SERAC1: variants seen among roughly 807,000 people sequenced by gnomAD.
SERAC1 encodes protein SERAC1.
SERAC1 carries 36 observed loss-of-function variants against 85.7 expected under a neutral mutation model. The observed-to-expected ratio is 0.42, with a 90% CI of 0.32 to 0.55. The LOEUF (loss-of-function observed/expected upper bound fraction) is 0.55. Ranked by LOEUF, SERAC1 falls within the 20% of genes least tolerant of loss-of-function variation. The pLI is 0.11. For missense variants in SERAC1, 629 were observed against 796.2 expected, an observed-to-expected ratio of 0.79 and a Z score of 2.53; for synonymous variants, 242 against 265.3, an observed-to-expected ratio of 0.91 and a Z score of 0.85.
intron 10 of SERAC1, among the ~76,000 whole-genome samples, chr6:158,122,407 C>T (rs917482292): frequency 5.3e-5 from 8 of 152,234 alleles, no homozygotes; most frequent in African/African-American, 1.4e-4. Context: ...TTCCCAACTC[C>T]ATTTACATCC....
intron 2 of SERAC1, among the ~76,000 whole-genome samples, chr6:158,156,301 A>C (rs959259433): frequency 4.6e-5 from 7 of 152,178 alleles, no homozygotes; most frequent in Non-Finnish European, 1.0e-4. Flanking sequence ...TAATCCTTAC[A>C]AATACACAAC....
At chr6:158,143,024 A>G in intron 8 of SERAC1, 32 bp downstream of exon 8, 1 of 1,577,878 alleles carries the variant, frequency 6.3e-7, no homozygotes, top group South Asian at 1.1e-5. Context: ...TGGACACTCA[A>G]AAATATTTAC....
In SERAC1 at chr6:158,134,336, T is replaced by A. The variant is rs140889452; in HGVS notation, c.739-3850A>T. 9.2e-3 allele frequency among the ~76,000 whole-genome samples: 1,394 copies of A among 152,318 alleles called. 7 individuals carry two copies. The highest frequency in any genetic ancestry group is 0.013 in the Non-Finnish European group (892 of 68,032). ...CCCAGAACTTGGTTACTAAATACCA[T>A]TAGCCCTAAAAGGAACCAAGCCTGC... On this transcript the variant is annotated intron_variant, in intron 8 of 16. Transcript: ENST00000647468.
Position 158,130,229 on chromosome 6 carries a change from A to G in SERAC1, c.852+144T>C, listed in dbSNP as rs1784642699. ...AATCATGATTATTCTAACAATTAAA[A>G]TTGGAGGAAAGCAGAAATTTAAAAA... On this transcript the variant is annotated intron_variant, in intron 9 of 16. Transcript: ENST00000647468. 8.5e-6 allele frequency: 4 copies of G among 468,794 alleles called. No individual in the cohort carries two copies. In the East Asian group the frequency reaches 1.4e-4, roughly 16 times the overall value. The allele number at this position is 468,794 out of a possible 1,614,324, so 29.0% of individuals were successfully genotyped here.
intron 14 of SERAC1, 60 bp from the exon 15 acceptor site, chr6:158,115,031 T>C: frequency 6.6e-7 from 1 of 1,516,628 alleles, no homozygotes; most frequent in South Asian, 1.3e-5. Flanking sequence ...TTTATTACTG[T>C]AAAAAAAGAA....
intron 8 of SERAC1, among the ~76,000 whole-genome samples, chr6:158,132,282 T>C (rs539365667): frequency 6.6e-6 from 1 of 152,346 alleles, no homozygotes; most frequent in African/African-American, 2.4e-5. Flanking sequence ...GTAAACCAAC[T>C]AAAAATAATT....
chr6:158,120,686 G>T lies in SERAC1; in HGVS notation c.1016-111C>A. On this transcript the variant is annotated intron_variant, in intron 10 of 16. Transcript: ENST00000647468. The surrounding 1 kb of genome is among the most constrained non-coding windows in gnomAD (Gnocchi z 4.4). Reference sequence around the variant, plus strand: ...GGAGAAAGGCAAACCTTGCGTGTCTGTCCTTGGCGGAGAAGTCCGACTATT... The same window carrying T: ...GGAGAAAGGCAAACCTTGCGTGTCTTTCCTTGGCGGAGAAGTCCGACTATT... 1 of 1,185,238 alleles carries T rather than the reference G, an allele frequency of 8.4e-7. No homozygotes were observed. The highest frequency in any genetic ancestry group is 1.2e-6 in the Non-Finnish European group (1 of 862,118). 73.4% of individuals were successfully genotyped at this position (1,185,238 alleles called of 1,614,324 possible).
rs773088596 is a variant in SERAC1, at chr6:158,146,930, A to G, written c.356-17T>C. On this transcript the variant is annotated splice_polypyrimidine_tract_variant and intron_variant, in intron 5 of 16. Transcript: ENST00000647468. Reference sequence around the variant, plus strand: ...TAAAAGGATCTTTGCAAAAAGAAAAAGCCAAGACAATGTGAAAAGTTAAGA... The same window carrying G: ...TAAAAGGATCTTTGCAAAAAGAAAAGGCCAAGACAATGTGAAAAGTTAAGA... The G allele has an allele frequency of 6.2e-7, 1 of 1,610,448 alleles. No individual in the cohort carries two copies. The highest frequency in any genetic ancestry group is 1.7e-5 in the Admixed American group (1 of 59,468).
At chr6:158,147,009 A>C (rs1269785108) in intron 5 of SERAC1, 96 bp from the exon 6 acceptor site, 1 of 1,276,898 alleles carries the variant, frequency 7.8e-7, no homozygotes, top group Non-Finnish European at 1.1e-6. Context: ...GAAATCTACA[A>C]TTGGAGAGTT....
chr6:158,139,762 T>TA (rs903724638), intron 8 of SERAC1, among the ~76,000 whole-genome samples: 2 of 151,150 alleles, frequency 1.3e-5, no homozygotes, highest in Non-Finnish European at 3.0e-5. Flanking sequence ...AATCACTAGT[T>TA]AAAAAAAAAT....
chr6:158,112,747 C>T (rs140335671), intron 16 of SERAC1: 30 of 149,542 alleles, frequency 2.0e-4, no homozygotes, highest in African/African-American at 7.2e-4. Context: ...AAGCCAGCCT[C>T]AGAGGCAGTA....
At chr6:158,165,241 C>T (rs931349722) in intron 1 of SERAC1, among the ~76,000 whole-genome samples, 12 of 152,022 alleles carry the variant, frequency 7.9e-5, no homozygotes, top group South Asian at 6.2e-4. Flanking sequence ...CTGCAAACTC[C>T]GTCTCCCAGG....
intron 1 of SERAC1, among the ~76,000 whole-genome samples, chr6:158,164,284 G>C (rs1446097531): frequency 6.6e-6 from 1 of 151,816 alleles, no homozygotes; most frequent in Non-Finnish European, 1.5e-5. Context: ...GACCAGCCTG[G>C]ATAACCCGGT....
intron 10 of SERAC1, among the ~76,000 whole-genome samples, chr6:158,124,393 A>G (rs1784488215): frequency 6.6e-6 from 1 of 152,188 alleles, no homozygotes; most frequent in African/African-American, 2.4e-5. Context: ...AAGAATAAAT[A>G]TTGGATGATA....
At chr6:158,159,996 T>C (rs993564958) in intron 1 of SERAC1, among the ~76,000 whole-genome samples, 6 of 152,236 alleles carry the variant, frequency 3.9e-5, no homozygotes, top group Non-Finnish European at 5.9e-5. Flanking sequence ...TTTATAAATA[T>C]ATCATACAAG....
In SERAC1 at chr6:158,119,320, G is replaced by A. The variant is rs1276393828; in HGVS notation, c.1167-150C>T. The A allele has an allele frequency of 2.2e-6, 2 of 923,814 alleles. No individual in the cohort carries two copies. Among genetic ancestry groups the A allele is most frequent in the Admixed American group, 3.2e-5 (1 of 31,250 alleles). 57.2% of individuals were successfully genotyped at this position (923,814 alleles called of 1,614,324 possible). A position where few individuals can be genotyped will look rare whatever the true frequency, so the allele number is the denominator to read the frequency against. ...CAAGCTCTATAAGCACAGGTTTGCTGGGAAAACCTAGAAGGAGCTTTGGCA... is the reference window on the plus strand; with the variant it reads ...CAAGCTCTATAAGCACAGGTTTGCTAGGAAAACCTAGAAGGAGCTTTGGCA... On this transcript the variant is annotated intron_variant, in intron 11 of 16. Transcript: ENST00000647468. This position sits in a 1 kb window ranked among gnomAD's most constrained non-coding sequence, Gnocchi z 4.5.
intron 8 of SERAC1, among the ~76,000 whole-genome samples, chr6:158,141,992 C>A (rs115028822): frequency 0.042 from 6,244 of 149,620 alleles, 197 homozygotes; most frequent in African/African-American, 0.091. Context: ...TTTTTTTTTA[C>A]TGACAAAATA....
At chr6:158,121,002 G>A (rs9356378) in intron 10 of SERAC1, among the ~76,000 whole-genome samples, 1 of 152,040 alleles carries the variant, frequency 6.6e-6, no homozygotes, top group Non-Finnish European at 1.5e-5. Flanking sequence ...TACAAATGAA[G>A]AAACTATTTC....
At chr6:158,121,445 C>T (rs1043347323) in intron 10 of SERAC1, among the ~76,000 whole-genome samples, 1 of 152,148 alleles carries the variant, frequency 6.6e-6, no homozygotes, top group Non-Finnish European at 1.5e-5. Flanking sequence ...GCTCTGGAAC[C>T]TCAGTCAAGT....
Sources: allele counts gnomAD v4.1 joint callset (sites outside exome capture counted in the v4.1 genomes callset), GRCh38; gene constraint gnomAD v4.1.1; non-coding constraint Gnocchi (gnomAD v3.1); transcripts MANE v1.5; gene names NCBI Gene and HGNC (gene_info 2026-07-23, HGNC 2026-07-21).